The following FOCAD variants were observed in gnomAD, a reference collection of about 807,000 sequenced individuals.
The protein encoded by FOCAD is focadhesin.
A neutral mutation model predicts 225.6 loss-of-function variants in FOCAD; 198 were observed. The observed-to-expected ratio is 0.88, with a 90% CI of 0.78 to 0.99. The LOEUF (loss-of-function observed/expected upper bound fraction) is 0.99. Among genes scored for constraint, FOCAD ranks in the 50% least tolerant of loss-of-function variants. FOCAD has a pLI of 0.00. For synonymous variants in FOCAD, 897 were observed against 755.0 expected (o/e 1.19, Z -3.08); for missense variants, 2,713 against 2,123.6 (o/e 1.28, Z -5.46).
At chr9:20,706,595 G>C (rs773160542) in intron 1 of FOCAD, among the ~76,000 whole-genome samples, 1 of 152,178 alleles carries the variant, frequency 6.6e-6, no homozygotes, top group Non-Finnish European at 1.5e-5. Flanking sequence ...AGAAACCTCT[G>C]TTCTCACTTG....
intron 2 of FOCAD, among the ~76,000 whole-genome samples, chr9:20,717,471 G>A (rs1825430729): frequency 6.6e-6 from 1 of 152,174 alleles, no homozygotes; most frequent in Non-Finnish European, 1.5e-5. Context: ...TCTCATTCAT[G>A]TTTTAATGGA....
chr9:20,866,059 A>G (rs1029305301), intron 17 of FOCAD, 83 bp downstream of exon 17: 1 of 1,156,878 alleles, frequency 8.6e-7, no homozygotes. Flanking sequence ...TCTTAGGATA[A>G]AAAGTACAAC....
intron 29 of FOCAD, 96 bp from the exon 30 acceptor site, chr9:20,946,605 T>C: frequency 2.2e-6 from 3 of 1,362,222 alleles, no homozygotes; most frequent in Non-Finnish European, 3.0e-6. Context: ...CAATTCTTAC[T>C]CTGGGGGGGA....
At chr9:20,779,549 C>A (rs1293909046) in intron 9 of FOCAD, among the ~76,000 whole-genome samples, 2 of 152,082 alleles carry the variant, frequency 1.3e-5, no homozygotes, top group African/African-American at 4.8e-5. Flanking sequence ...GAGTTCGAGA[C>A]CAAGCCTGGG....
intron 15 of FOCAD, among the ~76,000 whole-genome samples, chr9:20,840,877 T>C (rs1342064729): frequency 6.6e-6 from 1 of 152,042 alleles, no homozygotes; most frequent in Non-Finnish European, 1.5e-5. Context: ...TGGCTTTTAT[T>C]ATGTTGATGT....
intron 11 of FOCAD, among the ~76,000 whole-genome samples, 197 bp from the exon 12 acceptor site, chr9:20,819,599 G>A (rs1824098913): frequency 6.6e-6 from 1 of 152,114 alleles, no homozygotes; most frequent in South Asian, 2.1e-4. Context: ...TTGGTGTTTG[G>A]CAGCTAATTA....
At position 20,948,493 on chromosome 9, in the gene FOCAD, G is replaced by A; in HGVS notation, c.3798+100G>A. On this transcript the variant is annotated intron_variant, in intron 31 of 43. Transcript: ENST00000338382. ...GAGTTGCTGAGATATATACGTTAAT[G>A]GTAAAAGAATAGGCAATTTTAAATG... The A allele has an allele frequency of 6.9e-6, 9 of 1,297,204 alleles. 1 individual carries two copies. The South Asian group carries it at 1.4e-4, about 20-fold the overall frequency. 80.4% of individuals were successfully genotyped at this position (1,297,204 alleles called of 1,614,324 possible). A position where few individuals can be genotyped will look rare whatever the true frequency, so the allele number is the denominator to read the frequency against.
At chr9:20,827,437 C>T (rs1825014273) in intron 15 of FOCAD, among the ~76,000 whole-genome samples, 1 of 151,990 alleles carries the variant, frequency 6.6e-6, no homozygotes, top group South Asian at 2.1e-4. Context: ...TATTTATCCA[C>T]TTATCAAATG....
At chr9:20,740,674 A>G (rs572732764) in intron 5 of FOCAD, among the ~76,000 whole-genome samples, 1 of 152,306 alleles carries the variant, frequency 6.6e-6, no homozygotes, top group South Asian at 2.1e-4. Context: ...AAAGATATTT[A>G]AAGCAGGGGG....
Position 20,912,947 on chromosome 9 carries a change from T to G in FOCAD, c.2800T>G (p.Trp934Gly). The G allele has an allele frequency of 6.2e-7, 1 of 1,612,528 alleles. No homozygotes were observed. Among genetic ancestry groups the G allele is most frequent in the Non-Finnish European group, 8.5e-7 (1 of 1,179,078 alleles). The change falls in exon 23 of 44, where the codon TGG (tryptophan) becomes GGG (glycine). Residue 934 changes from tryptophan to glycine, a missense_variant. Trp to Gly is a radical substitution (Grantham distance 184, BLOSUM62 -2). Transcript: ENST00000338382. ...GGTGCAGTACAAAAAAAGCACAGCC[T>G]GGCTCTGGTAAGTGTTCATGTTCAG... ...EEVQYKKSTA[W>G]LWVRDMLTDE...
At chr9:20,811,016 CTT>C (rs1452042983) in intron 11 of FOCAD, among the ~76,000 whole-genome samples, 19 of 152,040 alleles carry the variant, frequency 1.2e-4, no homozygotes, top group Admixed American at 1.2e-3. Flanking sequence ...TCTAAGTTAA[CTT>C]GATCAGAATA....
intron 18 of FOCAD, among the ~76,000 whole-genome samples, chr9:20,871,867 C>T (rs1282557816): frequency 6.8e-6 from 1 of 148,122 alleles, no homozygotes; most frequent in Non-Finnish European, 1.5e-5. Context: ...ATGTAACTAA[C>T]CTGCACATTG....
intron 23 of FOCAD, among the ~76,000 whole-genome samples, 199 bp downstream of exon 23, chr9:20,913,153 C>CAG (rs1833586545): frequency 1.4e-5 from 2 of 140,320 alleles, no homozygotes; most frequent in Non-Finnish European, 3.0e-5. Context: ...CATACACACA[C>CAG]ACACACACAC....
intron 1 of FOCAD, among the ~76,000 whole-genome samples, chr9:20,709,482 C>G (rs1026465332): frequency 2.8e-5 from 3 of 108,962 alleles, no homozygotes; most frequent in African/African-American, 1.1e-4. Flanking sequence ...GACTGGGTGA[C>G]AAAGTGAAAC....
intron 11 of FOCAD, among the ~76,000 whole-genome samples, chr9:20,794,795 G>GA (rs1329747437): frequency 2.0e-5 from 3 of 151,980 alleles, no homozygotes; most frequent in South Asian, 2.1e-4. Flanking sequence ...CCAGTTTCTT[G>GA]AAAAAAACTA....
rs10562859 is a variant in FOCAD at position 20,825,146 on chromosome 9, CGTGTGTGTGTGTGTGTGTGTGT to C, written c.1920+2048_1920+2069del. Among the ~76,000 whole-genome samples, 30 of 139,078 alleles carry C rather than the reference CGTGTGTGTGTGTGTGTGTGTGT, an allele frequency of 2.2e-4. 1 individual carries two copies. Among genetic ancestry groups the C allele is most frequent in the Non-Finnish European group, 3.1e-4 (20 of 63,864 alleles). The allele number at this position is 139,078 out of a possible 152,430, so 91.2% of individuals were successfully genotyped here. On this transcript the variant is annotated intron_variant, in intron 15 of 43. Coordinates refer to ENST00000338382, the MANE Select transcript of FOCAD (RefSeq NM_001375567.1). The stretch of plus-strand genomic sequence containing the variant: ...TTTGTTTAAGGCTTTTCAAGCTTTG[CGTGTGTGTGTGTGTGTGTGTGT>C]GTGTGTGTGTGTGTGTTCATTATTT...
chr9:20,981,589 G>T lies in FOCAD; in HGVS notation c.4541G>T (p.Ser1514Ile). 2 of 1,614,048 alleles carry T rather than the reference G, an allele frequency of 1.2e-6. No homozygotes were observed. The highest frequency in any genetic ancestry group is 2.2e-5 in the South Asian group (2 of 91,086). Residue 1514 changes from serine to isoleucine, a missense_variant, in exon 38 of 44, where the codon AGC (serine) becomes ATC (isoleucine). Transcript: ENST00000338382. ...TGCCCAAGTGCTTTACACGGTCTGA[G>T]CCAGGCCATGAAACTGCCCAGCCCT... ...ELCPSALHGL[S>I]QAMKLPSPAH...
At chr9:20,661,978 G>A (rs1821741336) in intron 2 of FOCAD, among the ~76,000 whole-genome samples, 1 of 152,168 alleles carries the variant, frequency 6.6e-6, no homozygotes, top group Admixed American at 6.5e-5. Context: ...GTGAAAAAAA[G>A]GCAAGGTACA....
At chr9:20,954,832 A>G (rs753388955) in intron 35 of FOCAD, among the ~76,000 whole-genome samples, 3 of 152,218 alleles carry the variant, frequency 2.0e-5, no homozygotes, top group Non-Finnish European at 4.4e-5. Flanking sequence ...CTTACACATT[A>G]CTAATGATGA....
Sources: allele counts gnomAD v4.1 joint callset (sites outside exome capture counted in the v4.1 genomes callset), GRCh38; gene constraint gnomAD v4.1.1; transcripts MANE v1.5; gene names NCBI Gene and HGNC (gene_info 2026-07-23, HGNC 2026-07-21).